The following RCOR1 variants were observed in gnomAD, a reference collection of about 807,000 sequenced individuals.
The protein encoded by RCOR1 is REST corepressor 1, also known as REST corepressor.
Under a neutral mutation model 64.0 loss-of-function variants are expected in RCOR1, and 12 were observed. That is an observed-to-expected ratio of 0.19 (90% CI 0.12 to 0.30). The LOEUF is 0.30. Ranked by LOEUF, RCOR1 falls within the 10% of genes least tolerant of loss-of-function variation. The pLI, the probability that RCOR1 is intolerant of heterozygous loss-of-function variation, is 1.00. For missense variants in RCOR1, 502 were observed against 621.2 expected (o/e 0.81, Z 2.04); for synonymous variants, 279 against 227.2 (o/e 1.23, Z -2.05).
chr14:102,631,863 C>T (rs762831525), intron 2 of RCOR1, among the ~76,000 whole-genome samples: 34 of 150,784 alleles, frequency 2.3e-4, no homozygotes, highest in Admixed American at 1.1e-3. Flanking sequence ...TGCGGTGGCG[C>T]GATCTCGTCT....
At chr14:102,708,723 G>A (rs987849321) in intron 6 of RCOR1, 140 bp downstream of exon 6, 11 of 518,842 alleles carry the variant, frequency 2.1e-5, no homozygotes, top group East Asian at 1.6e-4. Context: ...GTATTAGAGC[G>A]TGTCACATTA....
At position 102,718,612 on chromosome 14, in the gene RCOR1, G is replaced by A. The variant is rs1275299262; in HGVS notation, c.1054-2395G>A. On this transcript the variant is annotated intron_variant, in intron 8 of 11. Transcript: ENST00000262241. ...TGGGAGGGTGGTGTCTAGGTAGGGC[G>A]TCAGGACAAGTGGATGGCTTTTCTT... 2.6e-5 allele frequency among the ~76,000 whole-genome samples: 4 copies of A among 152,170 alleles called. No homozygotes were observed. In the South Asian group the frequency reaches 8.3e-4, roughly 32 times the overall value.
In RCOR1 at chr14:102,697,639, A is replaced by G. The variant is rs544258416; in HGVS notation, c.446-3639A>G. On this transcript the variant is annotated intron_variant, in intron 3 of 11. Transcript: ENST00000262241. ...CTTCCGAGCACCTAGTAGACACACC[A>G]TGTGTCTTCATTTAAGTAGTTACTA... 3.3e-5 allele frequency among the ~76,000 whole-genome samples: 5 copies of G among 149,958 alleles called. No homozygotes were observed. In the South Asian group the frequency reaches 1.0e-3, roughly 31 times the overall value.
intron 2 of RCOR1, among the ~76,000 whole-genome samples, chr14:102,680,517 G>T (rs922332964): frequency 3.3e-5 from 5 of 152,074 alleles, no homozygotes; most frequent in African/African-American, 1.2e-4. Context: ...TATAAAAAAG[G>T]TATACTTGGG....
intron 2 of RCOR1, among the ~76,000 whole-genome samples, chr14:102,613,557 C>T (rs1375629471): frequency 3.3e-5 from 5 of 151,458 alleles, no homozygotes; most frequent in Admixed American, 1.3e-4. Context: ...CTCAGCCTCC[C>T]GAGTAGCTGG....
rs368374464 is a variant in RCOR1 at position 102,623,205 on chromosome 14, A to G, written c.361+29880A>G. Among the ~76,000 whole-genome samples the G allele has an allele frequency of 3.9e-5, 6 of 151,924 alleles. No individual in the cohort carries two copies. The East Asian group carries it at 7.7e-4, about 20-fold the overall frequency. On this transcript the variant is annotated intron_variant, in intron 2 of 11. Transcript: ENST00000262241. ...ATTTAGATCTAACTCAGAGATTTCT[A>G]TTTGACCCACCTGTTCTGTGTGGGT... is the stretch of plus-strand genomic sequence containing the variant.
chr14:102,726,770 G>A lies in RCOR1; in HGVS notation c.*264G>A. 1 of 459,600 alleles carries A rather than the reference G, an allele frequency of 2.2e-6. No homozygotes were observed. The highest frequency in any genetic ancestry group is 3.5e-5 in the South Asian group (1 of 28,772). The allele number at this position is 459,600 out of a possible 1,614,324, so 28.5% of individuals were successfully genotyped here. A position where few individuals can be genotyped will look rare whatever the true frequency, so the allele number is the denominator to read the frequency against. On this transcript the variant is annotated 3_prime_UTR_variant, in exon 12 of 12. Transcript: ENST00000262241. ...GTCTCACGGCCTGCACATCTCTTGT[G>A]ACTCTGGGAACCGCCTCTCCCGCCG...
chr14:102,630,132 T>C, intron 2 of RCOR1: 1 of 307,778 alleles, frequency 3.2e-6, no homozygotes, highest in Non-Finnish European at 4.8e-6. Flanking sequence ...GTTTGTGCCA[T>C]GGGGCTGGAA....
chr14:102,702,036 G>C (rs1210096596), intron 4 of RCOR1, among the ~76,000 whole-genome samples: 1 of 152,196 alleles, frequency 6.6e-6, no homozygotes, highest in Non-Finnish European at 1.5e-5. Context: ...TTCTGCAAAA[G>C]TGTGGTGATA....
chr14:102,639,199 A>G (rs935321594), intron 2 of RCOR1, among the ~76,000 whole-genome samples: 2 of 151,952 alleles, frequency 1.3e-5, no homozygotes, highest in African/African-American at 4.8e-5. Context: ...GTAATTTGGA[A>G]TTAAAACTGT....
chr14:102,630,375 ATTTCT>A (rs1273054879), intron 2 of RCOR1, among the ~76,000 whole-genome samples: 1 of 152,220 alleles, frequency 6.6e-6, no homozygotes, highest in African/African-American at 2.4e-5. Context: ...AGCCAAGTGA[ATTTCT>A]TTTCTTTGTC....
intron 2 of RCOR1, among the ~76,000 whole-genome samples, chr14:102,671,299 G>C (rs915377351): frequency 1.3e-5 from 2 of 152,122 alleles, no homozygotes; most frequent in African/African-American, 4.8e-5. Flanking sequence ...TTAGGGTATA[G>C]GGGAGGGGGT....
chr14:102,668,265 A>C (rs1894956779), intron 2 of RCOR1, among the ~76,000 whole-genome samples: 1 of 152,218 alleles, frequency 6.6e-6, no homozygotes. Context: ...GAGGATAGTT[A>C]CTGCTGCGGT....
At chr14:102,695,970 A>G (rs1895638691) in intron 3 of RCOR1, among the ~76,000 whole-genome samples, 1 of 152,170 alleles carries the variant, frequency 6.6e-6, no homozygotes, top group Non-Finnish European at 1.5e-5. Flanking sequence ...ATCAGAGAAG[A>G]TTAAAAAAAA....
In RCOR1 at chr14:102,729,657, C is replaced by T. The variant is rs1308671813; in HGVS notation, c.*3151C>T. 1 of 392,546 alleles carries T rather than the reference C, an allele frequency of 2.5e-6. No individual in the cohort carries two copies. Among genetic ancestry groups the T allele is most frequent in the Non-Finnish European group, 4.5e-6 (1 of 222,524 alleles). The allele number at this position is 392,546 out of a possible 1,614,324, so 24.3% of individuals were successfully genotyped here. A position where few individuals can be genotyped will look rare whatever the true frequency, so the allele number is the denominator to read the frequency against. ...GTGGCTTTCTGTTCATCTAAAGTTT[C>T]CTCAGATACCACAGACCACTGTTAA... is the stretch of plus-strand genomic sequence containing the variant. On this transcript the variant is annotated 3_prime_UTR_variant, in exon 12 of 12. Coordinates refer to ENST00000262241, the MANE Select transcript of RCOR1 (RefSeq NM_015156.4).
intron 2 of RCOR1, among the ~76,000 whole-genome samples, chr14:102,599,446 T>A (rs1299719330): frequency 6.6e-6 from 1 of 152,156 alleles, no homozygotes; most frequent in East Asian, 1.9e-4. Flanking sequence ...TTATTACTAT[T>A]TTTTAATTTT....
chr14:102,648,159 A>G (rs573676789), intron 2 of RCOR1, among the ~76,000 whole-genome samples: 1 of 147,800 alleles, frequency 6.8e-6, no homozygotes, highest in South Asian at 2.2e-4. Flanking sequence ...CCTCACTGCA[A>G]CCCCCGCCTC....
At chr14:102,692,471 A>ACG (rs1044311703) in intron 3 of RCOR1, among the ~76,000 whole-genome samples, 4 of 150,262 alleles carry the variant, frequency 2.7e-5, no homozygotes, top group Non-Finnish European at 5.9e-5. Flanking sequence ...ACACACACAC[A>ACG]CGCTTATTTT....
At chr14:102,657,235 A>G in intron 2 of RCOR1, 1 of 985,176 alleles carries the variant, frequency 1.0e-6, no homozygotes, top group Non-Finnish European at 1.2e-6. Context: ...ATGTGTGCTT[A>G]GTGTCAGTGC....
Sources: allele counts gnomAD v4.1 joint callset (sites outside exome capture counted in the v4.1 genomes callset), GRCh38; gene constraint gnomAD v4.1.1; transcripts MANE v1.5; gene names NCBI Gene and HGNC (gene_info 2026-07-23, HGNC 2026-07-21).